Variants in MRPS24 observed in about 807,000 individuals in gnomAD.
MRPS24 encodes mitochondrial ribosomal protein S24, also known as small ribosomal subunit protein uS3m.
A neutral mutation model predicts 21.8 loss-of-function variants in MRPS24; 15 were observed. That is an observed-to-expected ratio of 0.69 (90% CI 0.46 to 1.06). The LOEUF is 1.06. MRPS24 is among the 50% of genes least tolerant of loss of function. The pLI, the probability that MRPS24 is intolerant of heterozygous loss-of-function variation, is 0.00. For missense variants in MRPS24, 224 were observed against 219.1 expected, an observed-to-expected ratio of 1.02 and a Z score of -0.14; for synonymous variants, 93 against 93.7, an observed-to-expected ratio of 0.99 and a Z score of 0.04.
rs114424768 is a variant in MRPS24, at chr7:43,867,222, G to A, written c.221-240C>T. Among the ~76,000 whole-genome samples, 650 of 152,320 alleles carry A rather than the reference G, an allele frequency of 4.3e-3. 1 individual carries two copies. Among genetic ancestry groups the A allele is most frequent in the African/African-American group, 0.013 (551 of 41,580 alleles). On this transcript the variant is annotated intron_variant, in intron 3 of 3. Transcript: ENST00000317534. ...TATCATTATCCTTATTTTACAAAAA[G>A]GAAGATGGAGGCCTGAGTCAGGGTA...
intron 3 of MRPS24, among the ~76,000 whole-genome samples, chr7:43,867,214 T>A (rs968903422): frequency 6.6e-6 from 1 of 152,218 alleles, no homozygotes; most frequent in Non-Finnish European, 1.5e-5. Flanking sequence ...ATCCTTATTT[T>A]ACAAAAAGGA....
Position 43,869,078 on chromosome 7 carries a change from G to C in MRPS24, c.109-4C>G. 6.2e-7 allele frequency: 1 copy of C among 1,610,806 alleles called. No individual in the cohort carries two copies. Among genetic ancestry groups the C allele is most frequent in the South Asian group, 1.1e-5 (1 of 91,052 alleles). ...CGCGTACTCGGGCCGCCCGGTTCTA[G>C]GAGCAAAAGGGGCCGTGACTCCACG... On this transcript the variant is annotated splice_region_variant and splice_polypyrimidine_tract_variant and intron_variant, in intron 2 of 3. Coordinates refer to ENST00000317534, the MANE Select transcript of MRPS24 (RefSeq NM_032014.3). The surrounding 1 kb of genome is among the most constrained non-coding windows in gnomAD (Gnocchi z 4.8).
Position 43,866,602 on chromosome 7 carries a change from T to C in MRPS24, c.*97A>G. On this transcript the variant is annotated 3_prime_UTR_variant, in exon 4 of 4. Transcript: ENST00000317534. ...TCAATAGCAGATGAGAGACTATGCCTCAGTCCTCTGAGGGGATGCATTTCC... is the reference window on the plus strand; with the variant it reads ...TCAATAGCAGATGAGAGACTATGCCCCAGTCCTCTGAGGGGATGCATTTCC... 7.3e-7 allele frequency: 1 copy of C among 1,378,608 alleles called. No individual in the cohort carries two copies. The highest frequency in any genetic ancestry group is 1.0e-6 in the Non-Finnish European group (1 of 994,232). The allele number at this position is 1,378,608 out of a possible 1,614,324, so 85.4% of individuals were successfully genotyped here.
At chr7:43,868,035 G>T (rs951534277) in intron 3 of MRPS24, 1 of 152,156 alleles carries the variant, frequency 6.6e-6, no homozygotes, top group East Asian at 1.9e-4. Flanking sequence ...CCGTATTTTT[G>T]TTAACAAATC....
chr7:43,866,925 C>T lies in MRPS24; in HGVS notation c.278G>A (p.Arg93His), dbSNP rs745460348. Residue 93 changes from arginine (R) to histidine (H), a missense_variant, in exon 4 of 4, where the codon CGC (arginine) becomes CAC (histidine). Transcript: ENST00000317534. ...AERTVEDVFL[R>H]KFMWGTFPGC... ...TGGGAAGGTACCCCACATGAACTTG[C>T]GAAGGAAAACATCCTCCACCGTTCG... is the stretch of plus-strand genomic sequence containing the variant. The T allele has an allele frequency of 1.5e-5, 24 of 1,614,036 alleles. No individual in the cohort carries two copies. Among genetic ancestry groups the T allele is most frequent in the African/African-American group, 9.3e-5 (7 of 74,922 alleles).
Position 43,866,937 on chromosome 7 carries a change from T to C in MRPS24, c.266A>G (p.Asp89Gly). The C allele has an allele frequency of 1.9e-6, 3 of 1,614,054 alleles. No homozygotes were observed. Among genetic ancestry groups the C allele is most frequent in the Non-Finnish European group, 2.5e-6 (3 of 1,180,010 alleles). ...CCACATGAACTTGCGAAGGAAAACA[T>C]CCTCCACCGTTCGCTCTGCGGCATG... ...EDHAAERTVEDVFLRKFMWGT... is the reference protein window; with the variant it reads ...EDHAAERTVEGVFLRKFMWGT... The change falls in exon 4 of 4, where the codon GAT (aspartate) becomes GGT (glycine). Residue 89 changes from aspartate (D) to glycine (G), a missense_variant. Coordinates refer to ENST00000317534, the MANE Select transcript of MRPS24 (RefSeq NM_032014.3).
chr7:43,866,637 C>T lies in MRPS24; in HGVS notation c.*62G>A. The T allele has an allele frequency of 6.4e-7, 1 of 1,569,440 alleles. No individual in the cohort carries two copies. Among genetic ancestry groups the T allele is most frequent in the Non-Finnish European group, 8.7e-7 (1 of 1,149,408 alleles). On this transcript the variant is annotated 3_prime_UTR_variant, in exon 4 of 4. Transcript: ENST00000317534. ...GAGGGGATGCATTTCCCCCACATACCATTCCTTTCCCACGTTTCCATTCTC... is the reference window on the plus strand; with the variant it reads ...GAGGGGATGCATTTCCCCCACATACTATTCCTTTCCCACGTTTCCATTCTC...
In MRPS24 at chr7:43,869,413, C is replaced by T. The variant is rs1424346796; in HGVS notation, c.40-37G>A. ...GGGCGCGTGAGGCGGAAACTAGGGA[C>T]CCCACCTCCGACTCGCAGGGACCTG... On this transcript the variant is annotated intron_variant, in intron 1 of 3. Transcript: ENST00000317534. The surrounding 1 kb of genome is among the most constrained non-coding windows in gnomAD (Gnocchi z 4.8). The T allele has an allele frequency of 6.4e-7, 1 of 1,551,598 alleles. No individual in the cohort carries two copies.
intron 3 of MRPS24, 155 bp downstream of exon 3, chr7:43,868,808 A>G (rs1226701607): frequency 1.0e-6 from 1 of 985,506 alleles, no homozygotes; most frequent in Admixed American, 2.9e-5. Flanking sequence ...TGATCTATAT[A>G]TATCTCTGCT....
In MRPS24 at chr7:43,866,962, G is replaced by A. The variant is rs2132631728; in HGVS notation, c.241C>T (p.His81Tyr). The change falls in exon 4 of 4, where the codon CAT becomes TAT. Residue 81 changes from histidine (H) to tyrosine (Y), a missense_variant. Coordinates refer to ENST00000317534, the MANE Select transcript of MRPS24 (RefSeq NM_032014.3). ...LHTGNLDGED[H>Y]AAERTVEDVF... The stretch of plus-strand genomic sequence containing the variant: ...TCCTCCACCGTTCGCTCTGCGGCAT[G>A]GTCCTCTCCATCCAGGTTACCTGAA... 6.2e-7 allele frequency: 1 copy of A among 1,614,128 alleles called. No individual in the cohort carries two copies. The highest frequency in any genetic ancestry group is 1.3e-5 in the African/African-American group (1 of 75,052).
intron 3 of MRPS24, 79 bp from the exon 4 acceptor site, chr7:43,867,061 A>G (rs1233322899): frequency 1.5e-5 from 22 of 1,476,028 alleles, no homozygotes; most frequent in African/African-American, 2.8e-5. Context: ...CAACATCCAA[A>G]AGCGCTGAGC....
Position 43,869,259 on chromosome 7 carries a change from C to CGGCCCCCCGGCCCCCA in MRPS24, c.108+33_108+48dup. On this transcript the variant is annotated intron_variant, in intron 2 of 3. Transcript: ENST00000317534. The surrounding 1 kb of genome is among the most constrained non-coding windows in gnomAD (Gnocchi z 4.8). The stretch of plus-strand genomic sequence containing the variant: ...CAGCCCGCACGGCTTCCCCGGCCCC[C>CGGCCCCCCGGCCCCCA]GGCCCCCCGGCCCCCAGGCCCCCAG... The CGGCCCCCCGGCCCCCA allele has an allele frequency of 6.9e-7, 1 of 1,448,352 alleles. No individual in the cohort carries two copies. Among genetic ancestry groups the CGGCCCCCCGGCCCCCA allele is most frequent in the Non-Finnish European group, 9.1e-7 (1 of 1,095,586 alleles). The allele number at this position is 1,448,352 out of a possible 1,614,324, so 89.7% of individuals were successfully genotyped here. A position where few individuals can be genotyped will look rare whatever the true frequency, so the allele number is the denominator to read the frequency against.
chr7:43,868,739 C>A (rs748898536), intron 3 of MRPS24: 2 of 509,642 alleles, frequency 3.9e-6, no homozygotes, highest in African/African-American at 2.0e-5. Flanking sequence ...TCAATTGAGT[C>A]CCTGCCTGCC....
At position 43,866,950 on chromosome 7, in the gene MRPS24, G is replaced by A. The variant is rs776963478; in HGVS notation, c.253C>T (p.Arg85Ter). The change falls in exon 4 of 4, where the codon CGA (arginine) becomes TGA (stop). Residue 85 changes from arginine to a stop codon, truncating the protein, a stop_gained. Transcript: ENST00000317534. LOFTEE classifies it high-confidence loss of function. ...NLDGEDHAAE[R>*]TVEDVFLRKF... Reference sequence around the variant, plus strand: ...CGAAGGAAAACATCCTCCACCGTTCGCTCTGCGGCATGGTCCTCTCCATCC... The same window carrying A: ...CGAAGGAAAACATCCTCCACCGTTCACTCTGCGGCATGGTCCTCTCCATCC... 8.7e-6 allele frequency: 14 copies of A among 1,614,136 alleles called. No homozygotes were observed. Among genetic ancestry groups the A allele is most frequent in the African/African-American group, 1.3e-5 (1 of 75,046 alleles).
rs769616191 is a variant in MRPS24 at position 43,869,500 on chromosome 7, G to C, written c.-5C>G. The C allele has an allele frequency of 6.4e-7, 1 of 1,566,266 alleles. No homozygotes were observed. Among genetic ancestry groups the C allele is most frequent in the Non-Finnish European group, 8.6e-7 (1 of 1,157,844 alleles). On this transcript the variant is annotated 5_prime_UTR_variant, in exon 1 of 4. Transcript: ENST00000317534. This position sits in a 1 kb window ranked among gnomAD's most constrained non-coding sequence, Gnocchi z 4.8. ...GCTGCACACGGAGGCCGCCATCTTG[G>C]GCCAAGCGGAGCGCGGGACGTACCA... is the stretch of plus-strand genomic sequence containing the variant.
At position 43,869,176 on chromosome 7, in the gene MRPS24, C is replaced by T; in HGVS notation, c.109-102G>A. Reference sequence around the variant, plus strand: ...CTGGCACTGTTCCCCGGCCCCAATCCCCTGATCCCTAAGCCCCGACCCTAG... The same window carrying T: ...CTGGCACTGTTCCCCGGCCCCAATCTCCTGATCCCTAAGCCCCGACCCTAG... On this transcript the variant is annotated intron_variant, in intron 2 of 3. Transcript: ENST00000317534. This position sits in a 1 kb window ranked among gnomAD's most constrained non-coding sequence, Gnocchi z 4.8. 6.7e-7 allele frequency: 1 copy of T among 1,485,892 alleles called. No individual in the cohort carries two copies. The highest frequency in any genetic ancestry group is 1.3e-5 in the South Asian group (1 of 75,948). The allele number at this position is 1,485,892 out of a possible 1,614,324, so 92.0% of individuals were successfully genotyped here.
Position 43,868,989 on chromosome 7 carries a change from C to T in MRPS24, c.194G>A (p.Arg65His), listed in dbSNP as rs1246698120. Residue 65 changes from arginine (R) to histidine (H), a missense_variant, in exon 3 of 4, where the codon CGT (arginine) becomes CAT (histidine). Coordinates refer to ENST00000317534, the MANE Select transcript of MRPS24 (RefSeq NM_032014.3). ...EAHAPHYIAH[R>H]KGWLSLHTGN... is the part of the protein sequence containing the mutation. ...TGTGTGCAGCGACAGCCAGCCTTTA[C>T]GGTGGGCGATGTAGTGCGGCGCGTG... 4 of 1,614,014 alleles carry T rather than the reference C, an allele frequency of 2.5e-6. No individual in the cohort carries two copies. The Admixed American group carries it at 6.7e-5, about 27-fold the overall frequency.
chr7:43,868,824 A>T, intron 3 of MRPS24, 139 bp downstream of exon 3: 1 of 1,103,852 alleles, frequency 9.1e-7, no homozygotes, highest in Non-Finnish European at 1.3e-6. Context: ...CTGCTTTTTT[A>T]TGTCTCCCTT....
chr7:43,868,482 G>T (rs1235235560), intron 3 of MRPS24: 1 of 152,588 alleles, frequency 6.6e-6, no homozygotes, highest in Non-Finnish European at 1.5e-5. Context: ...GTCAGTAGAA[G>T]AATCTGAAAA....
Sources: gnomAD v4.1 joint callset for allele counts (sites outside exome capture counted in the v4.1 genomes callset) on GRCh38, gnomAD v4.1.1 for gene constraint, Gnocchi (gnomAD v3.1) non-coding constraint, MANE v1.5 for transcripts, NCBI Gene and HGNC (gene_info 2026-07-23, HGNC 2026-07-21) for gene names.